DENND4A: variants seen among roughly 807,000 people sequenced by gnomAD.
DENND4A encodes the protein C-myc promoter-binding protein.
In DENND4A, 70 loss-of-function variants were observed where a neutral mutation model predicts 199.3. That is an observed-to-expected ratio of 0.35 (90% CI 0.29 to 0.43). The LOEUF is 0.43. Among genes scored for constraint, DENND4A ranks in the 20% least tolerant of loss-of-function variants. The probability of loss-of-function intolerance (pLI) is 1.00; values close to 1 mark genes in which losing one functional copy is unlikely to be tolerated. For synonymous variants in DENND4A, 686 were observed against 766.9 expected (o/e 0.89, Z 1.74); for missense variants, 1,723 against 2,255.8 (o/e 0.76, Z 4.78).
intron 13 of DENND4A, 75 bp downstream of exon 13, chr15:65,717,703 A>C: frequency 7.9e-7 from 1 of 1,270,810 alleles, no homozygotes; most frequent in Non-Finnish European, 1.1e-6. Context: ...ATGAGCTATT[A>C]ATACAGACAG....
intron 1 of DENND4A, among the ~76,000 whole-genome samples, chr15:65,791,466 C>T (rs1230606401): frequency 7.0e-6 from 1 of 142,508 alleles, no homozygotes; most frequent in Non-Finnish European, 1.5e-5. Flanking sequence ...CACACACCCC[C>T]CCAAAAAGAC....
At chr15:65,775,019 A>C (rs1198770948) in intron 1 of DENND4A, among the ~76,000 whole-genome samples, 2 of 151,914 alleles carry the variant, frequency 1.3e-5, no homozygotes, top group Admixed American at 1.3e-4. Context: ...CACACAGCCC[A>C]TATGTTTACT....
At position 65,705,893 on chromosome 15, in the gene DENND4A, A is replaced by G. The variant is rs2075034146; in HGVS notation, c.2087+198T>C. 5 of 629,782 alleles carry G rather than the reference A, an allele frequency of 7.9e-6. No individual in the cohort carries two copies. The South Asian group carries it at 2.8e-4, about 36-fold the overall frequency. The allele number at this position is 629,782 out of a possible 1,614,324, so 39.0% of individuals were successfully genotyped here. ...CATCATTAGAGAGCTTCCCAAGTCT[A>G]TATTATGCAAAATTATATATGTTTT... On this transcript the variant is annotated intron_variant, in intron 15 of 32. Coordinates refer to ENST00000443035, the MANE Select transcript of DENND4A (RefSeq NM_001320835.1).
chr15:65,787,501 C>A (rs2077594873), intron 1 of DENND4A, among the ~76,000 whole-genome samples: 2 of 152,012 alleles, frequency 1.3e-5, no homozygotes, highest in Admixed American at 1.3e-4. Flanking sequence ...CAGAAGGAAG[C>A]ACAAAGTAGG....
intron 1 of DENND4A, among the ~76,000 whole-genome samples, chr15:65,783,437 C>A (rs1299570353): frequency 6.6e-6 from 1 of 152,088 alleles, no homozygotes; most frequent in Non-Finnish European, 1.5e-5. Context: ...AATATAGATA[C>A]AGATAATAGT....
intron 2 of DENND4A, among the ~76,000 whole-genome samples, chr15:65,757,420 T>C (rs1449485588): frequency 1.3e-5 from 2 of 152,096 alleles, no homozygotes. Flanking sequence ...GCATGGGAGA[T>C]AAGCACTTCA....
chr15:65,776,952 G>A (rs1261497339), intron 1 of DENND4A, among the ~76,000 whole-genome samples: 2 of 152,128 alleles, frequency 1.3e-5, no homozygotes, highest in Non-Finnish European at 2.9e-5. Flanking sequence ...AGGATCACTT[G>A]AGGCCAGGAG....
chr15:65,720,979 A>ATATATATATATATATATATATATT (rs2075617799), intron 12 of DENND4A, among the ~76,000 whole-genome samples: 1 of 110,078 alleles, frequency 9.1e-6, no homozygotes, highest in African/African-American at 3.2e-5. Flanking sequence ...ATATATATAT[A>ATATATATATATATATATATATATT]TATTTGTACT....
chr15:65,705,631 T>C (rs2075022717), intron 15 of DENND4A, among the ~76,000 whole-genome samples: 2 of 152,126 alleles, frequency 1.3e-5, no homozygotes, highest in Admixed American at 1.3e-4. Context: ...TGAAAAAAAT[T>C]AGTAACTTAA....
At position 65,722,832 on chromosome 15, in the gene DENND4A, T is replaced by A. The variant is rs760720512; in HGVS notation, c.1588+16A>T. On this transcript the variant is annotated intron_variant, in intron 12 of 32. Coordinates refer to ENST00000443035, the MANE Select transcript of DENND4A (RefSeq NM_001320835.1). Reference sequence around the variant, plus strand: ...TTCAGATTAAATTACCTCCTTTAATTAAGTTATCCACTTACATTTTGCCAA... The same window carrying A: ...TTCAGATTAAATTACCTCCTTTAATAAAGTTATCCACTTACATTTTGCCAA... 1.3e-6 allele frequency: 2 copies of A among 1,561,870 alleles called. No homozygotes were observed. Among genetic ancestry groups the A allele is most frequent in the East Asian group, 4.7e-5 (2 of 42,738 alleles).
intron 14 of DENND4A, among the ~76,000 whole-genome samples, chr15:65,713,430 C>T (rs1011479258): frequency 6.6e-6 from 1 of 152,224 alleles, no homozygotes; most frequent in African/African-American, 2.4e-5. Flanking sequence ...TGTCCCGTTA[C>T]AGATGATGTT....
chr15:65,757,383 C>T (rs2076734042), intron 2 of DENND4A, among the ~76,000 whole-genome samples: 2 of 151,942 alleles, frequency 1.3e-5, no homozygotes, highest in Non-Finnish European at 2.9e-5. Context: ...GCACCTGATC[C>T]GGCTTGTGTT....
chr15:65,702,644 T>A, intron 16 of DENND4A, 133 bp from the exon 17 acceptor site: 1 of 924,460 alleles, frequency 1.1e-6, no homozygotes, highest in Non-Finnish European at 1.6e-6. Context: ...ATTAATGCGT[T>A]TTCAAGTTTC....
At chr15:65,728,464 T>C (rs1371256778) in intron 11 of DENND4A, among the ~76,000 whole-genome samples, 2 of 150,680 alleles carry the variant, frequency 1.3e-5, no homozygotes, top group East Asian at 1.9e-4. Flanking sequence ...TTTGGCTAAA[T>C]TTCTTTTTCT....
intron 1 of DENND4A, chr15:65,771,529 G>A (rs1030214677): frequency 5.0e-5 from 81 of 1,611,790 alleles, no homozygotes; most frequent in East Asian, 2.5e-4. Flanking sequence ...ATAATGACAC[G>A]AGGATCAATA....
At chr15:65,785,315 G>A (rs2077538396) in intron 1 of DENND4A, among the ~76,000 whole-genome samples, 1 of 149,202 alleles carries the variant, frequency 6.7e-6, no homozygotes, top group Non-Finnish European at 1.5e-5. Context: ...GCAAAACCTA[G>A]TCTCTACAAG....
chr15:65,671,613 C>T (rs1243558183), intron 25 of DENND4A, among the ~76,000 whole-genome samples, 179 bp downstream of exon 25: 2 of 152,210 alleles, frequency 1.3e-5, no homozygotes, highest in Admixed American at 6.5e-5. Context: ...TGGCCTCGAA[C>T]CCCTGACCTC....
chr15:65,765,587 C>T (rs1214255127), intron 1 of DENND4A, among the ~76,000 whole-genome samples: 1 of 152,170 alleles, frequency 6.6e-6, no homozygotes, highest in Non-Finnish European at 1.5e-5. Flanking sequence ...ATCCTGATTT[C>T]CCCAGTTTTA....
chr15:65,788,855 A>G (rs1234863046), intron 1 of DENND4A, among the ~76,000 whole-genome samples: 1 of 42,852 alleles, frequency 2.3e-5, no homozygotes. Flanking sequence ...GACTTGTCTT[A>G]AAAAAAAAAA....
Sources: gnomAD v4.1 joint callset for allele counts (sites outside exome capture counted in the v4.1 genomes callset) on GRCh38, gnomAD v4.1.1 for gene constraint, MANE v1.5 for transcripts, NCBI Gene and HGNC (gene_info 2026-07-23, HGNC 2026-07-21) for gene names.